RORA: variants seen among roughly 807,000 people sequenced by gnomAD.
RORA encodes RAR related orphan receptor A.
Under a neutral mutation model 69.5 loss-of-function variants are expected in RORA, and 7 were observed. The observed-to-expected ratio is 0.10, with a 90% confidence interval of 0.06 to 0.19. The LOEUF is 0.19. RORA is among the 10% of genes least tolerant of loss of function. RORA has a pLI of 1.00. For synonymous variants in RORA, 261 were observed against 240.8 expected, an observed-to-expected ratio of 1.08 and a Z score of -0.78; for missense variants, 457 against 663.0, an observed-to-expected ratio of 0.69 and a Z score of 3.41.
At chr15:60,941,465 G>A (rs1010572724) in intron 1 of RORA, among the ~76,000 whole-genome samples, 9 of 152,210 alleles carry the variant, frequency 5.9e-5, no homozygotes, top group African/African-American at 1.4e-4. Context: ...CTACAGAACC[G>A]GGTGAAGGGG....
chr15:60,507,675 T>G (rs1396740302), intron 5 of RORA, among the ~76,000 whole-genome samples: 1 of 152,112 alleles, frequency 6.6e-6, no homozygotes, highest in Non-Finnish European at 1.5e-5. Flanking sequence ...AATAAGGTAG[T>G]GAACTACCTC....
intron 2 of RORA, among the ~76,000 whole-genome samples, chr15:60,673,015 C>T (rs903231282): frequency 1.3e-5 from 2 of 152,160 alleles, no homozygotes; most frequent in Non-Finnish European, 2.9e-5. Flanking sequence ...ACCAATCCCT[C>T]GTAGGCTAGG....
intron 1 of RORA, among the ~76,000 whole-genome samples, chr15:60,828,987 T>A (rs538030489): frequency 6.6e-6 from 1 of 152,304 alleles, no homozygotes; most frequent in East Asian, 1.9e-4. Flanking sequence ...AGACATCAGG[T>A]GTCCCTCTCC....
intron 1 of RORA, among the ~76,000 whole-genome samples, chr15:60,809,088 G>A (rs1042250205): frequency 6.6e-6 from 1 of 152,114 alleles, no homozygotes; most frequent in African/African-American, 2.4e-5. Flanking sequence ...CTCGGGTGAT[G>A]GGTGCACCAA....
intron 10 of RORA, among the ~76,000 whole-genome samples, chr15:60,498,420 C>A (rs1183774256): frequency 6.6e-6 from 1 of 152,204 alleles, no homozygotes. Context: ...CCGATAACTA[C>A]ACGTTTCTTT....
chr15:60,934,613 T>C (rs1211039974), intron 1 of RORA, among the ~76,000 whole-genome samples: 1 of 152,194 alleles, frequency 6.6e-6, no homozygotes, highest in African/African-American at 2.4e-5. Flanking sequence ...TTGCTGGGAT[T>C]ACAGGTATGA....
intron 1 of RORA, among the ~76,000 whole-genome samples, chr15:60,738,430 C>A (rs529179368): frequency 2.0e-5 from 3 of 152,214 alleles, no homozygotes; most frequent in African/African-American, 7.2e-5. Flanking sequence ...ATGTAGGGGC[C>A]ACTCACCTGT....
intron 1 of RORA, among the ~76,000 whole-genome samples, chr15:61,085,277 G>T (rs1012441720): frequency 6.6e-6 from 1 of 152,150 alleles, no homozygotes; most frequent in Non-Finnish European, 1.5e-5. Context: ...TACCTGGCTG[G>T]GCACTGTGAC....
chr15:61,122,931 G>A (rs913269323), intron 1 of RORA, among the ~76,000 whole-genome samples: 19 of 152,314 alleles, frequency 1.2e-4, no homozygotes, highest in South Asian at 1.0e-3. Flanking sequence ...TGAGACAAAA[G>A]GCTAAGGATG....
At chr15:60,507,785 A>T (rs1370935416) in intron 5 of RORA, among the ~76,000 whole-genome samples, 1 of 152,030 alleles carries the variant, frequency 6.6e-6, no homozygotes, top group South Asian at 2.1e-4. Context: ...GCAGGGAAGT[A>T]GGGGGGGATG....
chr15:60,617,062 T>A (rs2069263217), intron 2 of RORA, among the ~76,000 whole-genome samples: 1 of 152,140 alleles, frequency 6.6e-6, no homozygotes, highest in South Asian at 2.1e-4. Flanking sequence ...AACAACACAA[T>A]CGCCCCAAGC....
intron 1 of RORA, among the ~76,000 whole-genome samples, chr15:61,001,025 T>C (rs1371019574): frequency 6.6e-6 from 1 of 152,202 alleles, no homozygotes; most frequent in Non-Finnish European, 1.5e-5. Context: ...CTGAGGTTAG[T>C]AAAAGTATCA....
intron 1 of RORA, among the ~76,000 whole-genome samples, chr15:60,883,292 C>T (rs1325701293): frequency 3.3e-5 from 5 of 151,912 alleles, no homozygotes; most frequent in Non-Finnish European, 2.9e-5. Context: ...AGGATGGATA[C>T]GTGGTACAAA....
chr15:61,040,160 AT>A (rs1340127305), intron 1 of RORA, among the ~76,000 whole-genome samples: 16 of 125,638 alleles, frequency 1.3e-4, no homozygotes, highest in East Asian at 9.8e-4. Context: ...ATATATATAT[AT>A]ATAAAATATA....
intron 1 of RORA, among the ~76,000 whole-genome samples, chr15:61,126,029 A>G (rs2079139822): frequency 2.0e-5 from 3 of 152,188 alleles, no homozygotes; most frequent in African/African-American, 7.2e-5. Context: ...ATTAAATTAT[A>G]GTTTCGCAGC....
intron 1 of RORA, among the ~76,000 whole-genome samples, chr15:61,012,838 T>C (rs1458162102): frequency 6.6e-6 from 1 of 152,122 alleles, no homozygotes; most frequent in African/African-American, 2.4e-5. Context: ...TTTGTAGAGA[T>C]GGAGTTTCAC....
At chr15:60,605,606 G>T (rs941064813) in intron 2 of RORA, among the ~76,000 whole-genome samples, 8 of 152,096 alleles carry the variant, frequency 5.3e-5, no homozygotes, top group Non-Finnish European at 1.2e-4. Flanking sequence ...TTAATGATAC[G>T]ATTTAAGATT....
intron 1 of RORA, among the ~76,000 whole-genome samples, chr15:60,698,537 A>G (rs2070936987): frequency 6.6e-6 from 1 of 152,114 alleles, no homozygotes; most frequent in Admixed American, 6.5e-5. Context: ...CTTATTGATA[A>G]TCATAGCCCT....
At chr15:60,717,796 C>CTTTTTTTTTTTTTTTTTTTT (rs10653856) in intron 1 of RORA, among the ~76,000 whole-genome samples, 6 of 91,982 alleles carry the variant, frequency 6.5e-5, no homozygotes, top group Non-Finnish European at 1.0e-4. Context: ...TTCTTTTTCT[C>CTTTTTTTTTTTTTTTTTTTT]TTTTTTTTTT....
Sources: gnomAD v4.1 joint callset for allele counts (sites outside exome capture counted in the v4.1 genomes callset) on GRCh38, gnomAD v4.1.1 for gene constraint, MANE v1.5 for transcripts, NCBI Gene and HGNC (gene_info 2026-07-23, HGNC 2026-07-21) for gene names.